ZSWIM9: variants seen among roughly 807,000 people sequenced by gnomAD.
The protein encoded by ZSWIM9 is uncharacterized protein ZSWIM9.
A neutral mutation model predicts 25.0 loss-of-function variants in ZSWIM9; 11 were observed. The ratio of observed to expected loss-of-function variants is 0.44; its 90% CI spans 0.28 to 0.73. The LOEUF is 0.73. ZSWIM9 is among the 30% of genes least tolerant of loss of function. The pLI is 0.16. For missense variants in ZSWIM9, 1,070 were observed against 1,296.5 expected, an observed-to-expected ratio of 0.83 and a Z score of 2.68; for synonymous variants, 562 against 582.1, an observed-to-expected ratio of 0.97 and a Z score of 0.50.
In ZSWIM9 at chr19:48,196,458, A is replaced by T; in HGVS notation, c.2394A>T (p.Gly798=). The change falls in exon 4 of 4, where the codon GGA becomes GGT. Residue 798 remains glycine (G), a synonymous_variant. Coordinates refer to ENST00000614654, the MANE Select transcript of ZSWIM9 (RefSeq NM_199341.4). The part of the protein sequence containing the change: ...HLAAGDGLQE[G]GEDGPREPKR... ...CTGCAGGTGACGGCCTGCAGGAAGG[A>T]GGCGAAGATGGCCCCAGGGAACCAA... The T allele has an allele frequency of 8.1e-7, 1 of 1,232,438 alleles. No individual in the cohort carries two copies. The highest frequency in any genetic ancestry group is 1.0e-6 in the Non-Finnish European group (1 of 988,340). The allele number at this position is 1,232,438 out of a possible 1,614,324, so 76.3% of individuals were successfully genotyped here.
Position 48,182,435 on chromosome 19 carries a change from G to T in ZSWIM9, c.276-20G>T. The T allele has an allele frequency of 6.6e-7, 1 of 1,522,440 alleles. No individual in the cohort carries two copies. The allele number at this position is 1,522,440 out of a possible 1,614,324, so 94.3% of individuals were successfully genotyped here. Reference sequence around the variant, plus strand: ...GGCAGCAGAGTGATGTGACCAGGGCGGTGGTGGTTCCTCCCACAGGCCTCC... The same window carrying T: ...GGCAGCAGAGTGATGTGACCAGGGCTGTGGTGGTTCCTCCCACAGGCCTCC... On this transcript the variant is annotated intron_variant, in intron 2 of 3. Coordinates refer to ENST00000614654, the MANE Select transcript of ZSWIM9 (RefSeq NM_199341.4). This position sits in a 1 kb window ranked among gnomAD's most constrained non-coding sequence, Gnocchi z 4.6.
chr19:48,192,520 T>C (rs1457485542), intron 3 of ZSWIM9, among the ~76,000 whole-genome samples: 3 of 95,668 alleles, frequency 3.1e-5, no homozygotes, highest in African/African-American at 1.1e-4. Context: ...CACACACACA[T>C]TTACATAGCC....
chr19:48,193,652 C>G (rs2123441265), intron 3 of ZSWIM9, among the ~76,000 whole-genome samples: 1 of 152,302 alleles, frequency 6.6e-6, no homozygotes, highest in African/African-American at 2.4e-5. Flanking sequence ...GATGGGGTGT[C>G]TGCTTAGTTG....
At chr19:48,175,523 A>G (rs767295703) in intron 2 of ZSWIM9, among the ~76,000 whole-genome samples, 6 of 152,076 alleles carry the variant, frequency 3.9e-5, no homozygotes, top group Non-Finnish European at 8.8e-5. Flanking sequence ...TGGATCTGGC[A>G]GGGCTGAGTA....
At chr19:48,180,985 C>A (rs950386207) in intron 2 of ZSWIM9, 4 of 151,166 alleles carry the variant, frequency 2.6e-5, no homozygotes, top group African/African-American at 9.7e-5. Context: ...CAGGGTTTCA[C>A]CATGTTGGCC....
At position 48,195,519 on chromosome 19, in the gene ZSWIM9, T is replaced by C. The variant is rs2037149903; in HGVS notation, c.1455T>C (p.Ser485=). The C allele has an allele frequency of 8.5e-6, 12 of 1,407,752 alleles. No individual in the cohort carries two copies. Among genetic ancestry groups the C allele is most frequent in the Non-Finnish European group, 1.1e-5 (12 of 1,088,070 alleles). The allele number at this position is 1,407,752 out of a possible 1,614,324, so 87.2% of individuals were successfully genotyped here. ...GGGGAGGGGCTCCGAAAGAAGGAAG[T>C]ATTTGGAGGGGAGCCCAGATGGAGA... is the stretch of plus-strand genomic sequence containing the variant. ...GDWGGAPKEG[S]IWRGAQMEKE... The change falls in exon 4 of 4, where the codon AGT becomes AGC. Residue 485 remains serine (S), a synonymous_variant. Transcript: ENST00000614654. This position sits in a 1 kb window ranked among gnomAD's most constrained non-coding sequence, Gnocchi z 5.8.
intron 3 of ZSWIM9, among the ~76,000 whole-genome samples, chr19:48,188,157 C>T (rs779532509): frequency 6.6e-6 from 1 of 152,042 alleles, no homozygotes; most frequent in South Asian, 2.1e-4. Context: ...AAGAAGGATG[C>T]GCCCAAAGCC....
intron 3 of ZSWIM9, among the ~76,000 whole-genome samples, chr19:48,192,353 G>A (rs1201477646): frequency 6.8e-6 from 1 of 147,350 alleles, no homozygotes; most frequent in Non-Finnish European, 1.5e-5. Flanking sequence ...GGGAGGCTGA[G>A]GAGGAAGAAT....
chr19:48,171,346 C>T (rs959093329), intron 1 of ZSWIM9: 23 of 985,116 alleles, frequency 2.3e-5, no homozygotes, highest in African/African-American at 5.2e-5. Context: ...ACTGTTGGCA[C>T]ATGGAAGGAG....
At position 48,195,457 on chromosome 19, in the gene ZSWIM9, G is replaced by A. The variant is rs1356832254; in HGVS notation, c.1393G>A (p.Glu465Lys). ...TGAGCCAGGGAGGGGAGCCCAGGGG[G>A]AGAACGAGAGGGTGAGGGGCCTGGA... is the stretch of plus-strand genomic sequence containing the variant. ...EDEPGRGAQG[E>K]NERVRGLETG... The change falls in exon 4 of 4, where the codon GAG (glutamate) becomes AAG (lysine). Residue 465 changes from glutamate to lysine, a missense_variant. By Grantham distance (56) the Glu-to-Lys change is moderately conservative (BLOSUM62 1). This residue lies in a region of ZSWIM9 where 583 missense variants were observed against 624.7 expected (regional missense o/e 0.93). Coordinates refer to ENST00000614654, the MANE Select transcript of ZSWIM9 (RefSeq NM_199341.4). This position sits in a 1 kb window ranked among gnomAD's most constrained non-coding sequence, Gnocchi z 5.8. 8.4e-6 allele frequency: 12 copies of A among 1,428,954 alleles called. No individual in the cohort carries two copies. In the East Asian group the frequency reaches 2.7e-4, roughly 32 times the overall value. The allele number at this position is 1,428,954 out of a possible 1,614,324, so 88.5% of individuals were successfully genotyped here.
chr19:48,195,362 T>C lies in ZSWIM9; in HGVS notation c.1298T>C (p.Met433Thr). The C allele has an allele frequency of 1.3e-6, 2 of 1,521,582 alleles. No homozygotes were observed. Among genetic ancestry groups the C allele is most frequent in the South Asian group, 2.4e-5 (2 of 82,576 alleles). 94.3% of individuals were successfully genotyped at this position (1,521,582 alleles called of 1,614,324 possible). The change falls in exon 4 of 4, where the codon ATG becomes ACG. Residue 433 changes from methionine to threonine, a missense_variant. Around this residue, in one of 4 missense-constraint regions of ZSWIM9, gnomAD observed 583 missense variants for 624.7 expected, o/e 0.93. Transcript: ENST00000614654. The surrounding 1 kb of genome is among the most constrained non-coding windows in gnomAD (Gnocchi z 5.8). The stretch of plus-strand genomic sequence containing the variant: ...CAGTGCCTTCGCGACCTGGTGGCCA[T>C]GCAGTGGGCCGACGCGGCCGGGGAG... ...VAQCLRDLVA[M>T]QWADAAGEAV...
Position 48,171,953 on chromosome 19 carries a change from A to T in ZSWIM9, c.151A>T (p.Met51Leu), listed in dbSNP as rs1409136589. 5.2e-6 allele frequency: 8 copies of T among 1,535,836 alleles called. No homozygotes were observed. The highest frequency in any genetic ancestry group is 7.0e-6 in the Non-Finnish European group (8 of 1,146,698). Residue 51 changes from methionine (M) to leucine (L), a missense_variant, in exon 2 of 4, where the codon ATG becomes TTG. Coordinates refer to ENST00000614654, the MANE Select transcript of ZSWIM9 (RefSeq NM_199341.4). ...RLALFFVKSS[M>L]HLARCRWASA... Reference sequence around the variant, plus strand: ...GGCGCTCTTCTTCGTCAAGAGCTCCATGCACCTGGCGCGCTGCCGCTGGGC... The same window carrying T: ...GGCGCTCTTCTTCGTCAAGAGCTCCTTGCACCTGGCGCGCTGCCGCTGGGC...
At chr19:48,173,674 C>T (rs2036864380) in intron 2 of ZSWIM9, among the ~76,000 whole-genome samples, 1 of 152,094 alleles carries the variant, frequency 6.6e-6, no homozygotes, top group Admixed American at 6.6e-5. Context: ...TCTTGCTCTG[C>T]CATCCACACT....
At chr19:48,179,422 C>T (rs2123211050) in intron 2 of ZSWIM9, among the ~76,000 whole-genome samples, 1 of 152,298 alleles carries the variant, frequency 6.6e-6, no homozygotes, top group Non-Finnish European at 1.5e-5. Flanking sequence ...GATCCTCCTG[C>T]CTCAGCCTCC....
intron 3 of ZSWIM9, among the ~76,000 whole-genome samples, chr19:48,187,505 AT>A (rs2037035354): frequency 1.1e-5 from 1 of 89,228 alleles, no homozygotes; most frequent in Non-Finnish European, 2.0e-5. Context: ...AATATATTAT[AT>A]TATATTATAT....
intron 2 of ZSWIM9, among the ~76,000 whole-genome samples, chr19:48,175,864 C>A (rs373746549): frequency 6.6e-6 from 1 of 152,206 alleles, no homozygotes; most frequent in Admixed American, 6.5e-5. Flanking sequence ...TTTCTCAATA[C>A]ACACCGGCCG....
At position 48,182,202 on chromosome 19, in the gene ZSWIM9, C is replaced by T. The variant is rs1253106888; in HGVS notation, c.276-253C>T. ...TGTGTAGGTGCTTTACCTATATTAACTCTTTTCATGCTCATGACGATCCTA... is the reference window on the plus strand; with the variant it reads ...TGTGTAGGTGCTTTACCTATATTAATTCTTTTCATGCTCATGACGATCCTA... On this transcript the variant is annotated intron_variant, in intron 2 of 3. Coordinates refer to ENST00000614654, the MANE Select transcript of ZSWIM9 (RefSeq NM_199341.4). The surrounding 1 kb of genome is among the most constrained non-coding windows in gnomAD (Gnocchi z 4.6). The T allele has an allele frequency of 3.7e-6, 2 of 541,332 alleles. No individual in the cohort carries two copies. The highest frequency in any genetic ancestry group is 6.5e-6 in the Non-Finnish European group (2 of 306,850). 33.5% of individuals were successfully genotyped at this position (541,332 alleles called of 1,614,324 possible). A position where few individuals can be genotyped will look rare whatever the true frequency, so the allele number is the denominator to read the frequency against.
At chr19:48,180,961 T>C (rs576078222) in intron 2 of ZSWIM9, 1 of 146,262 alleles carries the variant, frequency 6.8e-6, no homozygotes, top group Non-Finnish European at 1.5e-5. Flanking sequence ...ATATATATAT[T>C]TTTTTAGTAG....
At position 48,196,195 on chromosome 19, in the gene ZSWIM9, G is replaced by A. The variant is rs892931853; in HGVS notation, c.2131G>A (p.Gly711Ser). 4 of 1,236,414 alleles carry A rather than the reference G, an allele frequency of 3.2e-6. No individual in the cohort carries two copies. The highest frequency in any genetic ancestry group is 3.1e-5 in the East Asian group (1 of 31,752). 76.6% of individuals were successfully genotyped at this position (1,236,414 alleles called of 1,614,324 possible). The change falls in exon 4 of 4, where the codon GGC becomes AGC. Residue 711 changes from glycine to serine, a missense_variant. Gly to Ser is a moderately conservative substitution (Grantham distance 56, BLOSUM62 0). Transcript: ENST00000614654. Reference protein sequence around the residue: ...GARVGVKRRRGLEDIVLVQLG... With the variant: ...GARVGVKRRRSLEDIVLVQLG... The stretch of plus-strand genomic sequence containing the variant: ...GAGGGTGGGGGTCAAAAGAAGAAGG[G>A]GCCTGGAGGATATAGTTCTGGTCCA...
Sources: gnomAD v4.1 joint callset for allele counts (sites outside exome capture counted in the v4.1 genomes callset) on GRCh38, gnomAD v4.1.1 for gene constraint, gnomAD v4.1.1 regional missense constraint, Gnocchi (gnomAD v3.1) non-coding constraint, MANE v1.5 for transcripts, NCBI Gene and HGNC (gene_info 2026-07-23, HGNC 2026-07-21) for gene names.